Variants in CSTA observed in about 807,000 individuals in gnomAD.
CSTA encodes cystatin-A.
CSTA carries 9 observed loss-of-function variants against 9.2 expected under a neutral mutation model. The ratio of observed to expected loss-of-function variants is 0.97; its 90% CI spans 0.59 to 1.70. The LOEUF is 1.70. CSTA is among the 40% of genes most tolerant of loss of function. The pLI, the probability that CSTA is intolerant of heterozygous loss-of-function variation, is 0.00. For missense variants in CSTA, 118 were observed against 113.1 expected (o/e 1.04, Z -0.20); for synonymous variants, 36 against 40.6 (o/e 0.89, Z 0.43).
rs576429946 is a variant in CSTA, at chr3:122,337,128, T to TA, written c.67-415dup. The stretch of plus-strand genomic sequence containing the variant: ...ATTTTGGTGATTATACTATGTTATG[T>TA]AAAACGGCAAAATTAAGGGAACTGT... On this transcript the variant is annotated intron_variant, in intron 1 of 2. Transcript: ENST00000264474. Among the ~76,000 whole-genome samples, 325 of 152,348 alleles carry TA rather than the reference T, an allele frequency of 2.1e-3. 1 individual carries two copies. The highest frequency in any genetic ancestry group is 5.4e-3 in the Admixed American group (82 of 15,296).
chr3:122,341,375 T>A, intron 2 of CSTA, 64 bp from the exon 3 acceptor site: 1 of 1,575,704 alleles, frequency 6.3e-7, no homozygotes. Context: ...TGTGGCTCTC[T>A]CACTTGATGT....
chr3:122,337,212 TA>T (rs1224475015), intron 1 of CSTA, among the ~76,000 whole-genome samples: 3 of 152,230 alleles, frequency 2.0e-5, no homozygotes, highest in Admixed American at 2.0e-4. Context: ...GAAATCATTT[TA>T]AAATAATGTT....
chr3:122,341,116 T>C (rs753909455), intron 2 of CSTA, among the ~76,000 whole-genome samples: 2 of 152,058 alleles, frequency 1.3e-5, no homozygotes, highest in Non-Finnish European at 2.9e-5. Context: ...TAATTTTTTG[T>C]ATTTTTAGTA....
chr3:122,337,456 T>A, intron 1 of CSTA, 91 bp from the exon 2 acceptor site: 1 of 828,400 alleles, frequency 1.2e-6, no homozygotes, highest in Admixed American at 2.0e-5. Context: ...CTTTGAAGAC[T>A]TTTAGGAGGA....
rs149474339 is a variant in CSTA at position 122,341,442 on chromosome 3, C to T, written c.172C>T (p.Arg58Ter). Residue 58 changes from arginine (R) to a stop codon, truncating the protein, a stop_gained, in exon 3 of 3, where the codon CGA becomes TGA. Coordinates refer to ENST00000264474, the MANE Select transcript of CSTA (RefSeq NM_005213.4). LOFTEE classifies it low-confidence loss of function (END_TRUNC). ...VAGTNYYIKV[R>*]AGDNKYMHLK... is the part of the protein sequence containing the mutation. The stretch of plus-strand genomic sequence containing the variant: ...CTCTTTCTTTAATATTTTTCAGGTA[C>T]GAGCAGGTGATAATAAATATATGCA... 46 of 1,613,596 alleles carry T rather than the reference C, an allele frequency of 2.9e-5. No homozygotes were observed. The Admixed American group carries it at 3.2e-4, about 11-fold the overall frequency.
intron 1 of CSTA, among the ~76,000 whole-genome samples, chr3:122,335,739 C>G (rs1024571632): frequency 6.6e-6 from 1 of 151,938 alleles, no homozygotes; most frequent in Non-Finnish European, 1.5e-5. Context: ...TCAAGCAATT[C>G]TCCTGCCTCA....
chr3:122,328,271 C>T lies in CSTA; in HGVS notation c.66+2913C>T, dbSNP rs1490132326. ...ATCCCAGCACTTTGGAAGGCTGAGG[C>T]GGGCAGATCACATGAGGTCAGGAGT... On this transcript the variant is annotated intron_variant, in intron 1 of 2. Coordinates refer to ENST00000264474, the MANE Select transcript of CSTA (RefSeq NM_005213.4). 4.6e-5 allele frequency among the ~76,000 whole-genome samples: 7 copies of T among 152,096 alleles called. No individual in the cohort carries two copies. In the East Asian group the frequency reaches 9.6e-4, roughly 21 times the overall value.
At chr3:122,335,638 T>TTATTTATG (rs1268501558) in intron 1 of CSTA, among the ~76,000 whole-genome samples, 5 of 145,512 alleles carry the variant, frequency 3.4e-5, no homozygotes, top group Non-Finnish European at 7.7e-5. Flanking sequence ...ATTTATTTAT[T>TTATTTATG]TATGTATTTT....
intron 2 of CSTA, 75 bp downstream of exon 2, chr3:122,337,723 A>G (rs914284505): frequency 3.0e-6 from 3 of 989,058 alleles, no homozygotes; most frequent in East Asian, 2.4e-5. Context: ...TGATTTCCCT[A>G]CCACATAATT....
At chr3:122,329,590 C>T (rs2075192216) in intron 1 of CSTA, among the ~76,000 whole-genome samples, 1 of 151,988 alleles carries the variant, frequency 6.6e-6, no homozygotes, top group Non-Finnish European at 1.5e-5. Context: ...TAAATAAATA[C>T]AGGAAATGAA....
chr3:122,339,090 T>A (rs1410393709), intron 2 of CSTA, among the ~76,000 whole-genome samples: 1 of 152,172 alleles, frequency 6.6e-6, no homozygotes, highest in Non-Finnish European at 1.5e-5. Flanking sequence ...GCCAGTGATG[T>A]GACCTTCTCT....
Position 122,341,675 on chromosome 3 carries a change from TTCTTC to T in CSTA, c.*109_*113del. On this transcript the variant is annotated 3_prime_UTR_variant, in exon 3 of 3. Coordinates refer to ENST00000264474, the MANE Select transcript of CSTA (RefSeq NM_005213.4). ...AAGCATTCTTTTCCAAAGAAATTAT[TTCTTC>T]AATTATTTCTCATTTATTGTATTAA... 1 of 1,359,082 alleles carries T rather than the reference TTCTTC, an allele frequency of 7.4e-7. No homozygotes were observed. 84.2% of individuals were successfully genotyped at this position (1,359,082 alleles called of 1,614,324 possible).
At chr3:122,332,248 T>C (rs2075209220) in intron 1 of CSTA, among the ~76,000 whole-genome samples, 1 of 152,108 alleles carries the variant, frequency 6.6e-6, no homozygotes, top group South Asian at 2.1e-4. Flanking sequence ...TAGACTCTAT[T>C]CTCCTCTCTT....
At chr3:122,327,442 T>C (rs2075177348) in intron 1 of CSTA, among the ~76,000 whole-genome samples, 1 of 139,006 alleles carries the variant, frequency 7.2e-6, no homozygotes. Flanking sequence ...GGCAGGAGAA[T>C]GGCGTGAACC....
intron 2 of CSTA, among the ~76,000 whole-genome samples, chr3:122,340,944 A>G (rs1559983414): frequency 6.8e-6 from 1 of 147,458 alleles, no homozygotes; most frequent in South Asian, 2.2e-4. Context: ...TTAGTCTACA[A>G]TTTTTTTTTT....
At chr3:122,335,426 T>C (rs1453585868) in intron 1 of CSTA, among the ~76,000 whole-genome samples, 1 of 152,194 alleles carries the variant, frequency 6.6e-6, no homozygotes, top group Non-Finnish European at 1.5e-5. Context: ...CTCTAGTTAG[T>C]ATATTGTTTT....
intron 2 of CSTA, among the ~76,000 whole-genome samples, chr3:122,338,685 A>G (rs1242622608): frequency 6.6e-6 from 1 of 152,154 alleles, no homozygotes; most frequent in East Asian, 1.9e-4. Context: ...CAATGGCACC[A>G]TTTCCTCCAT....
At chr3:122,327,478 G>A (rs7648977) in intron 1 of CSTA, among the ~76,000 whole-genome samples, 27,233 of 137,338 alleles carry the variant, frequency 0.2, 2,861 homozygotes, top group Non-Finnish European at 0.24. Context: ...GCAGTGAGCC[G>A]AGATTGCACC....
At chr3:122,338,583 AT>A (rs1184188787) in intron 2 of CSTA, among the ~76,000 whole-genome samples, 1 of 151,922 alleles carries the variant, frequency 6.6e-6, no homozygotes, top group Admixed American at 6.6e-5. Flanking sequence ...ATGTACACAG[AT>A]CAGCCCTGTT....
Sources: gnomAD v4.1 joint callset for allele counts (sites outside exome capture counted in the v4.1 genomes callset) on GRCh38, gnomAD v4.1.1 for gene constraint, MANE v1.5 for transcripts, NCBI Gene and HGNC (gene_info 2026-07-23, HGNC 2026-07-21) for gene names.